Variants in PLD5 observed in about 807,000 individuals in gnomAD.
PLD5 encodes inactive phospholipase D5.
A neutral mutation model predicts 61.1 loss-of-function variants in PLD5; 36 were observed. The ratio of observed to expected loss-of-function variants is 0.59; its 90% confidence interval spans 0.45 to 0.78. The LOEUF (loss-of-function observed/expected upper bound fraction) is 0.78, where lower values mean the gene tolerates loss of function less well. Ranked by LOEUF, PLD5 falls within the 30% of genes least tolerant of loss-of-function variation. The probability of loss-of-function intolerance (pLI) is 0.00; values close to 1 mark genes in which losing one functional copy is unlikely to be tolerated. For missense variants in PLD5, 515 were observed against 644.4 expected, an observed-to-expected ratio of 0.80 and a Z score of 2.17; for synonymous variants, 243 against 242.8, an observed-to-expected ratio of 1.00 and a Z score of -0.01.
chr1:242,426,436 C>A (rs1256813861), intron 1 of PLD5, among the ~76,000 whole-genome samples: 1 of 152,102 alleles, frequency 6.6e-6, no homozygotes, highest in African/African-American at 2.4e-5. Flanking sequence ...TTATGCCCTG[C>A]ATGTCAGGGC....
rs143097266 is a variant in PLD5, at chr1:242,428,821, G to A, written c.190-80579C>T. 3.7e-3 allele frequency among the ~76,000 whole-genome samples: 570 copies of A among 152,238 alleles called. 5 individuals carry two copies. The highest frequency in any genetic ancestry group is 0.013 in the African/African-American group (542 of 41,540). On this transcript the variant is annotated intron_variant, in intron 1 of 9. Coordinates refer to ENST00000536534, the MANE Select transcript of PLD5 (RefSeq NM_001372062.1). ...AAGGAACAAGAAGGGAAGAAATCACGATGATAAAAATTTACTCTAGTGAAA... is the reference window on the plus strand; with the variant it reads ...AAGGAACAAGAAGGGAAGAAATCACAATGATAAAAATTTACTCTAGTGAAA...
At chr1:242,309,226 GGCCAGTAAA>G (rs1398937059) in intron 2 of PLD5, among the ~76,000 whole-genome samples, 1 of 152,022 alleles carries the variant, frequency 6.6e-6, no homozygotes, top group Non-Finnish European at 1.5e-5. Flanking sequence ...GGTCTGGTTG[GGCCAGTAAA>G]GCCCCTTCCT....
chr1:242,441,746 A>G (rs796294650), intron 1 of PLD5, among the ~76,000 whole-genome samples: 40 of 152,230 alleles, frequency 2.6e-4, no homozygotes, highest in African/African-American at 9.4e-4. Context: ...GGAGCCACCG[A>G]GCCCACCTTC....
intron 4 of PLD5, among the ~76,000 whole-genome samples, chr1:242,264,549 A>G (rs1327714171): frequency 6.6e-6 from 1 of 152,194 alleles, no homozygotes; most frequent in Non-Finnish European, 1.5e-5. Context: ...AAAAAGGCAC[A>G]GTATGTTTAA....
chr1:242,233,527 G>T (rs1163937839), intron 4 of PLD5, among the ~76,000 whole-genome samples: 1 of 148,724 alleles, frequency 6.7e-6, no homozygotes, highest in African/African-American at 2.4e-5. Flanking sequence ...CTTAAGAAAG[G>T]CTAAAGGAAG....
intron 1 of PLD5, among the ~76,000 whole-genome samples, chr1:242,504,160 A>C (rs1485652003): frequency 6.6e-6 from 1 of 152,234 alleles, no homozygotes; most frequent in Non-Finnish European, 1.5e-5. Flanking sequence ...TTTGGGATAT[A>C]GAATAAACGA....
Position 242,084,846 on chromosome 1 carries a change from T to C in PLD5, c.*5008A>G, listed in dbSNP as rs923775681. The C allele has an allele frequency of 6.8e-6, 1 of 146,492 alleles. No homozygotes were observed. The highest frequency in any genetic ancestry group is 2.5e-5 in the African/African-American group (1 of 39,610). The allele number at this position is 146,492 out of a possible 1,614,324, so 9.1% of individuals were successfully genotyped here. On this transcript the variant is annotated 3_prime_UTR_variant, in exon 10 of 10. Coordinates refer to ENST00000536534, the MANE Select transcript of PLD5 (RefSeq NM_001372062.1). ...GTGAATATACAAAACAGTGGGCCCA[T>C]TGGACCAGTCGCATCTACCTTCTTC...
rs201206197 is a variant in PLD5 at position 242,256,863 on chromosome 1, CCTAT to C, written c.607+8470_607+8473del. Among the ~76,000 whole-genome samples, 1,759 of 141,288 alleles carry C rather than the reference CCTAT, an allele frequency of 0.012. 47 individuals carry two copies. The highest frequency in any genetic ancestry group is 0.042 in the African/African-American group (1,674 of 39,882). The allele number at this position is 141,288 out of a possible 152,430, so 92.7% of individuals were successfully genotyped here. On this transcript the variant is annotated intron_variant, in intron 4 of 9. Transcript: ENST00000536534. The surrounding 1 kb of genome is among the most constrained non-coding windows in gnomAD (Gnocchi z 5.7). ...TTTCTGTGTATCTGCCATCTATCTT[CCTAT>C]CTTCTTTCTTTTCTCTCCCTCTTCT... is the stretch of plus-strand genomic sequence containing the variant.
rs370885957 is a variant in PLD5, at chr1:242,457,257, AT to A, written c.189+66830del. Reference sequence around the variant, plus strand: ...TCCTTAGAGCCCACAAGCCCAAGCTATTGTAGAAAGAAGTAAGAGAACTTCA... The same window carrying A: ...TCCTTAGAGCCCACAAGCCCAAGCTATGTAGAAAGAAGTAAGAGAACTTCA... On this transcript the variant is annotated intron_variant, in intron 1 of 9. Transcript: ENST00000536534. Among the ~76,000 whole-genome samples, 60 of 152,324 alleles carry A rather than the reference AT, an allele frequency of 3.9e-4. 1 individual carries two copies. The highest frequency in any genetic ancestry group is 1.4e-3 in the African/African-American group (60 of 41,576).
At chr1:242,190,210 A>G (rs1574482622) in intron 5 of PLD5, among the ~76,000 whole-genome samples, 1 of 124,538 alleles carries the variant, frequency 8.0e-6, no homozygotes, top group Non-Finnish European at 1.6e-5. Flanking sequence ...CAGTGGCAGG[A>G]TCTCTGCTCA....
intron 5 of PLD5, among the ~76,000 whole-genome samples, chr1:242,165,974 G>C (rs1463444062): frequency 6.6e-6 from 1 of 152,208 alleles, no homozygotes. Flanking sequence ...ATAACCCAGG[G>C]ACGAAGCGCT....
chr1:242,276,140 C>A (rs1416918382), intron 3 of PLD5, among the ~76,000 whole-genome samples: 1 of 151,566 alleles, frequency 6.6e-6, no homozygotes, highest in Non-Finnish European at 1.5e-5. Flanking sequence ...GAGCTGGAGA[C>A]CAGCCTGAGC....
chr1:242,238,864 T>C (rs74457774), intron 4 of PLD5, among the ~76,000 whole-genome samples: 288 of 152,206 alleles, frequency 1.9e-3, no homozygotes, highest in African/African-American at 6.5e-3. Context: ...TAGCAGGCTT[T>C]CGTTAAAGCT....
intron 5 of PLD5, among the ~76,000 whole-genome samples, chr1:242,178,088 T>C (rs933420755): frequency 6.6e-6 from 1 of 152,222 alleles, no homozygotes; most frequent in Non-Finnish European, 1.5e-5. Flanking sequence ...GAGCTATCCT[T>C]TGTGCTGACC....
At chr1:242,155,979 G>A (rs1665332455) in intron 5 of PLD5, among the ~76,000 whole-genome samples, 1 of 152,170 alleles carries the variant, frequency 6.6e-6, no homozygotes, top group Admixed American at 6.5e-5. Context: ...TATTGTGTGG[G>A]AGTCTAAGTC....
chr1:242,384,631 G>A (rs1055216490), intron 1 of PLD5, among the ~76,000 whole-genome samples: 1 of 152,068 alleles, frequency 6.6e-6, no homozygotes, highest in East Asian at 1.9e-4. Context: ...TTCTGCCTTG[G>A]ATACAAACAA....
At chr1:242,418,125 A>G (rs1664930293) in intron 1 of PLD5, among the ~76,000 whole-genome samples, 2 of 152,170 alleles carry the variant, frequency 1.3e-5, no homozygotes, top group African/African-American at 4.8e-5. Flanking sequence ...CAGATTCTGA[A>G]TATATTTTGG....
At chr1:242,429,567 T>C (rs548940652) in intron 1 of PLD5, among the ~76,000 whole-genome samples, 7 of 152,266 alleles carry the variant, frequency 4.6e-5, no homozygotes, top group African/African-American at 1.7e-4. Flanking sequence ...TCTTTATGCA[T>C]TTATCAACAT....
At chr1:242,166,009 T>C (rs944800340) in intron 5 of PLD5, among the ~76,000 whole-genome samples, 5 of 152,182 alleles carry the variant, frequency 3.3e-5, no homozygotes, top group African/African-American at 4.8e-5. Flanking sequence ...CCTGACCCAT[T>C]ATGCTGTCCT....
Sources: gnomAD v4.1 joint callset for allele counts (sites outside exome capture counted in the v4.1 genomes callset) on GRCh38, gnomAD v4.1.1 for gene constraint, Gnocchi (gnomAD v3.1) non-coding constraint, MANE v1.5 for transcripts, NCBI Gene and HGNC (gene_info 2026-07-23, HGNC 2026-07-21) for gene names.